EXOC4: variants seen among roughly 807,000 people sequenced by gnomAD.
The protein encoded by EXOC4 is exocyst complex component 4.
Under a neutral mutation model 107.2 loss-of-function variants are expected in EXOC4, and 71 were observed. The observed-to-expected ratio is 0.66, with a 90% CI of 0.55 to 0.81. The LOEUF (loss-of-function observed/expected upper bound fraction) is 0.81. EXOC4 is among the 30% of genes least tolerant of loss of function. EXOC4 has a pLI of 0.00. For synonymous variants in EXOC4, 456 were observed against 441.2 expected (o/e 1.03, Z -0.42); for missense variants, 1,108 against 1,189.6 (o/e 0.93, Z 1.01).
intron 9 of EXOC4, among the ~76,000 whole-genome samples, chr7:133,600,617 A>G (rs1425479359): frequency 6.6e-6 from 1 of 152,182 alleles, no homozygotes; most frequent in Non-Finnish European, 1.5e-5. Flanking sequence ...ACATTTACAT[A>G]TGGGTCTCTC....
At chr7:133,851,184 A>G (rs187446460) in intron 11 of EXOC4, among the ~76,000 whole-genome samples, 4 of 152,358 alleles carry the variant, frequency 2.6e-5, no homozygotes, top group African/African-American at 9.6e-5. Flanking sequence ...ACAAGAAGGC[A>G]GGCAAAGTCG....
At chr7:133,560,063 A>G (rs1010630983) in intron 9 of EXOC4, among the ~76,000 whole-genome samples, 13 of 152,222 alleles carry the variant, frequency 8.5e-5, no homozygotes, top group Non-Finnish European at 1.3e-4. Flanking sequence ...CAATTACGTC[A>G]ATTACTGTAG....
intron 5 of EXOC4, among the ~76,000 whole-genome samples, chr7:133,330,233 C>T (rs940745482): frequency 1.4e-4 from 22 of 152,172 alleles, no homozygotes; most frequent in Middle Eastern, 3.4e-3. Flanking sequence ...AGGGTAAAAC[C>T]TCCTATTCAA....
chr7:133,828,100 C>T (rs1457226884), intron 11 of EXOC4, among the ~76,000 whole-genome samples: 2 of 152,158 alleles, frequency 1.3e-5, no homozygotes, highest in Non-Finnish European at 2.9e-5. Flanking sequence ...TCTCAGCCCA[C>T]TCCTTGGTGG....
intron 10 of EXOC4, among the ~76,000 whole-genome samples, chr7:133,786,766 A>G (rs1796577060): frequency 6.6e-6 from 1 of 152,202 alleles, no homozygotes; most frequent in Non-Finnish European, 1.5e-5. Context: ...TGATGATTTC[A>G]CCATCCTGGC....
intron 10 of EXOC4, among the ~76,000 whole-genome samples, chr7:133,780,642 T>TA (rs773980593): frequency 1.7e-4 from 26 of 152,184 alleles, no homozygotes; most frequent in Admixed American, 2.6e-4. Flanking sequence ...TACAGTGTCA[T>TA]AAAGAATCCC....
Position 133,356,312 on chromosome 7 carries a change from T to A in EXOC4, c.764-18T>A. ...GAGTGGAGTCTGTATCTATTATTGT[T>A]ATTATTTAATTTTTCAGTGAGGGAG... On this transcript the variant is annotated intron_variant, in intron 5 of 17. Coordinates refer to ENST00000253861, the MANE Select transcript of EXOC4 (RefSeq NM_021807.4). 6.2e-7 allele frequency: 1 copy of A among 1,612,642 alleles called. No homozygotes were observed. Among genetic ancestry groups the A allele is most frequent in the South Asian group, 1.1e-5 (1 of 90,908 alleles).
At chr7:133,259,602 A>C (rs888139526) in intron 1 of EXOC4, among the ~76,000 whole-genome samples, 1 of 152,140 alleles carries the variant, frequency 6.6e-6, no homozygotes, top group East Asian at 1.9e-4. Context: ...AAATCACTCT[A>C]TTGTTTTAAA....
At chr7:133,516,757 C>CTTTTTTTTTTTTTTTTTTTTTTT (rs1563093913) in intron 9 of EXOC4, among the ~76,000 whole-genome samples, 1 of 5,292 alleles carries the variant, frequency 1.9e-4, no homozygotes, top group Non-Finnish European at 4.2e-4. Flanking sequence ...ACTAGCTGCT[C>CTTTTTTTTTTTTTTTTTTTTTTT]ATTTTTTTTT....
At chr7:133,629,245 T>C (rs1373322388) in intron 9 of EXOC4, among the ~76,000 whole-genome samples, 1 of 152,082 alleles carries the variant, frequency 6.6e-6, no homozygotes. Flanking sequence ...AATAATAGTG[T>C]GTCTTATAAT....
At chr7:133,885,877 T>C (rs1321695850) in intron 11 of EXOC4, among the ~76,000 whole-genome samples, 2 of 149,920 alleles carry the variant, frequency 1.3e-5, no homozygotes, top group African/African-American at 5.0e-5. Context: ...ATAATTTTAA[T>C]AGAGAAAAAA....
At chr7:133,665,705 A>T (rs1351768113) in intron 10 of EXOC4, among the ~76,000 whole-genome samples, 3 of 152,124 alleles carry the variant, frequency 2.0e-5, no homozygotes, top group Non-Finnish European at 4.4e-5. Context: ...ATCTCCCTGG[A>T]TGATCTACAA....
At chr7:133,602,914 T>C (rs1801842115) in intron 9 of EXOC4, among the ~76,000 whole-genome samples, 1 of 152,172 alleles carries the variant, frequency 6.6e-6, no homozygotes, top group Non-Finnish European at 1.5e-5. Flanking sequence ...AAGTGTTGTG[T>C]GTGTTGGGTG....
intron 10 of EXOC4, among the ~76,000 whole-genome samples, chr7:133,787,992 T>C (rs1348743697): frequency 1.0e-5 from 1 of 96,296 alleles, no homozygotes; most frequent in Non-Finnish European, 2.1e-5. Flanking sequence ...TATATATATA[T>C]ATATATATAT....
intron 7 of EXOC4, among the ~76,000 whole-genome samples, chr7:133,434,799 G>A (rs1260398564): frequency 6.6e-6 from 1 of 152,122 alleles, no homozygotes; most frequent in African/African-American, 2.4e-5. Context: ...AAATCCATAT[G>A]TCTCTTTGTT....
At chr7:133,608,741 G>A (rs1460836881) in intron 9 of EXOC4, among the ~76,000 whole-genome samples, 1 of 151,726 alleles carries the variant, frequency 6.6e-6, no homozygotes, top group East Asian at 1.9e-4. Flanking sequence ...TAGAGACAGG[G>A]TTTTACCATG....
chr7:134,059,058 C>A (rs963891515), intron 17 of EXOC4, among the ~76,000 whole-genome samples: 1 of 152,128 alleles, frequency 6.6e-6, no homozygotes, highest in Non-Finnish European at 1.5e-5. Flanking sequence ...ACTCTGAATT[C>A]TACCAAGTAA....
intron 9 of EXOC4, among the ~76,000 whole-genome samples, chr7:133,573,483 A>T (rs1801066631): frequency 6.6e-6 from 1 of 152,126 alleles, no homozygotes; most frequent in Non-Finnish European, 1.5e-5. Flanking sequence ...ACTTAGGCCC[A>T]TTTAGTTGAG....
At chr7:133,388,321 A>G (rs1796774227) in intron 7 of EXOC4, among the ~76,000 whole-genome samples, 1 of 152,126 alleles carries the variant, frequency 6.6e-6, no homozygotes, top group Non-Finnish European at 1.5e-5. Context: ...TTTAATATGT[A>G]TCTCTAAAAA....
Sources: allele counts gnomAD v4.1 joint callset (sites outside exome capture counted in the v4.1 genomes callset), GRCh38; gene constraint gnomAD v4.1.1; transcripts MANE v1.5; gene names NCBI Gene and HGNC (gene_info 2026-07-23, HGNC 2026-07-21).